Variants in ATG7 observed in about 807,000 individuals in gnomAD.
The protein encoded by ATG7 is autophagy related 7.
Under a neutral mutation model 82.4 loss-of-function variants are expected in ATG7, and 70 were observed. That is an observed-to-expected ratio of 0.85 (90% confidence interval 0.70 to 1.04). ATG7 has a LOEUF of 1.04. Among genes scored for constraint, ATG7 ranks in the 50% least tolerant of loss-of-function variants. The pLI, the probability that ATG7 is intolerant of heterozygous loss-of-function variation, is 0.00. For missense variants in ATG7, 792 were observed against 864.3 expected (o/e 0.92, Z 1.05); for synonymous variants, 287 against 313.0 (o/e 0.92, Z 0.88).
At chr3:11,543,884 C>T (rs2071044618) in intron 20 of ATG7, among the ~76,000 whole-genome samples, 1 of 152,070 alleles carries the variant, frequency 6.6e-6, no homozygotes, top group Non-Finnish European at 1.5e-5. Flanking sequence ...AGGATGGTGA[C>T]AGGCTGGGGA....
chr3:11,469,487 A>C (rs984401912), intron 20 of ATG7, among the ~76,000 whole-genome samples: 4 of 152,092 alleles, frequency 2.6e-5, no homozygotes, highest in Non-Finnish European at 5.9e-5. Flanking sequence ...GCCACCAACA[A>C]ACCTACCTAT....
chr3:11,380,835 T>A (rs1162209698), intron 19 of ATG7, among the ~76,000 whole-genome samples: 1 of 152,180 alleles, frequency 6.6e-6, no homozygotes, highest in Non-Finnish European at 1.5e-5. Context: ...GCTTCTCAGT[T>A]ACAATTTGGA....
intron 20 of ATG7, among the ~76,000 whole-genome samples, chr3:11,447,827 G>A (rs566342874): frequency 3.1e-4 from 47 of 152,324 alleles, no homozygotes; most frequent in Middle Eastern, 6.8e-3. Context: ...TGGGCCAGGG[G>A]CAGGTCATAC....
chr3:11,496,647 T>A (rs904634805), intron 20 of ATG7, among the ~76,000 whole-genome samples: 1 of 152,192 alleles, frequency 6.6e-6, no homozygotes, highest in Non-Finnish European at 1.5e-5. Flanking sequence ...CATTTAATAA[T>A]CCCATCACAG....
the ATG7 span, among the ~76,000 whole-genome samples, chr3:11,573,288 AAAGAAAGAAAGAAAGAAAGGAAGG>A: frequency 1.3e-3 from 15 of 11,702 alleles, 1 homozygote; most frequent in Middle Eastern, 0.02. Context: ...AGAAAGAAAG[AAAGAAAGAAAGAAAGAAAGGAAGG>A]AAGGAAGAAA....
chr3:11,438,968 A>G (rs998218436), intron 20 of ATG7, among the ~76,000 whole-genome samples: 1 of 151,858 alleles, frequency 6.6e-6, no homozygotes, highest in African/African-American at 2.4e-5. Context: ...AACAGCTGCT[A>G]TGTGTTGAAT....
chr3:11,286,583 C>T (rs796990121), intron 3 of ATG7, among the ~76,000 whole-genome samples: 27 of 66,944 alleles, frequency 4.0e-4, no homozygotes, highest in Admixed American at 4.9e-4. Flanking sequence ...TTCTTTCTTT[C>T]TTTTTTTTTT....
At chr3:11,298,642 CA>C (rs1946316860) in intron 3 of ATG7, 43 bp from the exon 4 acceptor site, 1 of 1,558,782 alleles carries the variant, frequency 6.4e-7, no homozygotes. Flanking sequence ...CCAGGTTTTG[CA>C]TGGATATGTT....
At chr3:11,379,946 A>AATTGT in intron 18 of ATG7, 26 bp from the exon 19 acceptor site, 1 of 1,606,326 alleles carries the variant, frequency 6.2e-7, no homozygotes, top group Non-Finnish European at 8.5e-7. Context: ...GTTTGATGTG[A>AATTGT]ATTGTTTTGT....
intron 11 of ATG7, among the ~76,000 whole-genome samples, chr3:11,335,041 A>T (rs956067651): frequency 6.6e-6 from 1 of 151,594 alleles, no homozygotes; most frequent in Non-Finnish European, 1.5e-5. Flanking sequence ...CCCACATGAC[A>T]TTTTTTCAGC....
intron 20 of ATG7, among the ~76,000 whole-genome samples, chr3:11,480,506 T>C (rs2088827046): frequency 6.6e-6 from 1 of 151,880 alleles, no homozygotes; most frequent in Non-Finnish European, 1.5e-5. Context: ...GGGCCGAGGC[T>C]GTAGTGAGCC....
At chr3:11,410,268 T>A (rs149395919) in intron 19 of ATG7, among the ~76,000 whole-genome samples, 10 of 152,368 alleles carry the variant, frequency 6.6e-5, no homozygotes, top group South Asian at 6.2e-4. Context: ...GTACATCTTG[T>A]ACACATTTTG....
At chr3:11,558,604 G>A (rs2072658604), downstream of ATG7, 1 of 1,606,352 alleles carries the variant, frequency 6.2e-7, no homozygotes, top group Non-Finnish European at 8.5e-7. Context: ...TGTGGGCAGA[G>A]GGGCTGGCGG....
intron 14 of ATG7, among the ~76,000 whole-genome samples, chr3:11,350,886 C>G (rs906643944): frequency 7.6e-6 from 1 of 130,916 alleles, no homozygotes; most frequent in Non-Finnish European, 1.5e-5. Context: ...GCCAGAAGTT[C>G]GAGACCAGCC....
intron 19 of ATG7, among the ~76,000 whole-genome samples, chr3:11,401,382 A>G (rs1204608965): frequency 6.6e-6 from 1 of 152,182 alleles, no homozygotes; most frequent in African/African-American, 2.4e-5. Context: ...GGTTTGGCTT[A>G]TGTCAGTCAA....
intron 14 of ATG7, among the ~76,000 whole-genome samples, chr3:11,350,181 A>G (rs1439341622): frequency 2.0e-5 from 3 of 152,162 alleles, no homozygotes; most frequent in Admixed American, 1.3e-4. Context: ...GTTTTTGTCC[A>G]TTTCACTAGA....
At chr3:11,378,915 C>T (rs922324971) in intron 18 of ATG7, among the ~76,000 whole-genome samples, 2 of 151,896 alleles carry the variant, frequency 1.3e-5, no homozygotes, top group African/African-American at 4.8e-5. Context: ...GATGGCTAAA[C>T]GGTGGTGGAT....
At chr3:11,530,355 C>G (rs750176709) in intron 20 of ATG7, among the ~76,000 whole-genome samples, 2 of 152,192 alleles carry the variant, frequency 1.3e-5, no homozygotes, top group African/African-American at 2.4e-5. Flanking sequence ...CCGAGAAGCA[C>G]TCTGCATCGC....
At chr3:11,516,558 T>C (rs143780546) in intron 20 of ATG7, among the ~76,000 whole-genome samples, 1 of 152,272 alleles carries the variant, frequency 6.6e-6, no homozygotes, top group East Asian at 1.9e-4. Flanking sequence ...GATCCAGCAA[T>C]TGCACTCCTT....
Sources: gnomAD v4.1 joint callset for allele counts (sites outside exome capture counted in the v4.1 genomes callset) on GRCh38, gnomAD v4.1.1 for gene constraint, MANE v1.5 for transcripts, NCBI Gene and HGNC (gene_info 2026-07-23, HGNC 2026-07-21) for gene names.